The following DMD variants were observed in gnomAD, a reference collection of about 807,000 sequenced individuals.
DMD encodes the protein dystrophin.
In DMD, 63 loss-of-function variants were observed where a neutral mutation model predicts 330.1. The ratio of observed to expected loss-of-function variants is 0.19; its 90% confidence interval spans 0.16 to 0.24. The LOEUF (loss-of-function observed/expected upper bound fraction) is 0.24. Ranked by LOEUF, DMD falls within the 10% of genes least tolerant of loss-of-function variation. DMD has a pLI of 1.00. For synonymous variants in DMD, 1,223 were observed against 959.8 expected (o/e 1.27, Z -5.07); for missense variants, 3,344 against 2,684.1 (o/e 1.25, Z -5.43).
At chrX:31,441,840 G>A (rs1353801129) in intron 60 of DMD, among the ~76,000 whole-genome samples, 2 of 111,876 alleles carry the variant, frequency 1.8e-5, no homozygotes, top group African/African-American at 3.2e-5. Flanking sequence ...TCTGAACAAG[G>A]CCTCACATTT....
chrX:32,075,147 G>T (rs942440232), intron 44 of DMD, among the ~76,000 whole-genome samples: 1 of 111,790 alleles, frequency 8.9e-6, no homozygotes, highest in Non-Finnish European at 1.9e-5. Flanking sequence ...TCATTTTTCT[G>T]TCTCATTTCC....
chrX:32,793,172 C>T (rs916758168), intron 7 of DMD, among the ~76,000 whole-genome samples: 1 of 111,411 alleles, frequency 9.0e-6, no homozygotes, highest in African/African-American at 3.3e-5. Flanking sequence ...GGAAATTGAA[C>T]AACATACTCC....
At chrX:32,538,663 G>A (rs1250489198) in intron 17 of DMD, among the ~76,000 whole-genome samples, 1 of 111,278 alleles carries the variant, frequency 9.0e-6, no homozygotes, top group African/African-American at 3.3e-5. Flanking sequence ...ACACTCCAGT[G>A]AACTGATTTC....
chrX:32,763,668 C>T (rs1205840620), intron 7 of DMD, among the ~76,000 whole-genome samples: 2 of 111,778 alleles, frequency 1.8e-5, no homozygotes, highest in Admixed American at 1.9e-4. Context: ...AATGGTCTAC[C>T]AACCTTATTG....
intron 17 of DMD, among the ~76,000 whole-genome samples, chrX:32,519,170 A>G (rs1395483457): frequency 9.4e-6 from 1 of 105,916 alleles, no homozygotes; most frequent in Admixed American, 1.0e-4. Context: ...TTCATTTGCA[A>G]CAACATGTAT....
chrX:33,193,261 C>T (rs758687465), intron 1 of DMD, among the ~76,000 whole-genome samples: 12 of 111,328 alleles, frequency 1.1e-4, no homozygotes, highest in African/African-American at 3.6e-4. Flanking sequence ...GAGCCGAGAT[C>T]ACACAACTGC....
intron 7 of DMD, among the ~76,000 whole-genome samples, chrX:32,754,670 C>A (rs1241475003): frequency 2.7e-5 from 3 of 111,562 alleles, no homozygotes; most frequent in Non-Finnish European, 5.6e-5. Flanking sequence ...GAGTCAATAA[C>A]AAACTTATCG....
At chrX:32,426,265 A>T (rs2098212339) in intron 29 of DMD, among the ~76,000 whole-genome samples, 1 of 111,834 alleles carries the variant, frequency 8.9e-6, no homozygotes, top group African/African-American at 3.3e-5. Flanking sequence ...CAGAATCTCT[A>T]AGTAACTTAA....
intron 7 of DMD, among the ~76,000 whole-genome samples, chrX:32,776,765 A>G (rs1196338491): frequency 8.9e-6 from 1 of 111,895 alleles, no homozygotes; most frequent in Non-Finnish European, 1.9e-5. Context: ...AATGCAGAAT[A>G]AATTGTTTCC....
intron 26 of DMD, 31 bp from the exon 27 acceptor site, chrX:32,448,669 A>G (rs773966068): frequency 3.1e-5 from 35 of 1,137,269 alleles, no homozygotes; most frequent in Admixed American, 1.5e-4. Flanking sequence ...TCTTAATAGC[A>G]TGAAAATAAC....
At chrX:33,112,806 G>T (rs1250092883) in intron 1 of DMD, among the ~76,000 whole-genome samples, 1 of 107,867 alleles carries the variant, frequency 9.3e-6, no homozygotes, top group Admixed American at 1.0e-4. Context: ...TAAGAATATC[G>T]GCCAGGCGCG....
chrX:32,650,539 G>C (rs1037715755), intron 9 of DMD, among the ~76,000 whole-genome samples: 5 of 111,420 alleles, frequency 4.5e-5, no homozygotes, highest in African/African-American at 9.8e-5. Context: ...ATTAGTACCT[G>C]GAAATATTCT....
At chrX:31,994,128 T>C (rs1569528873) in intron 44 of DMD, among the ~76,000 whole-genome samples, 1 of 111,583 alleles carries the variant, frequency 9.0e-6, no homozygotes, top group Admixed American at 9.5e-5. Flanking sequence ...CGCCAACTGT[T>C]AGAAGCGTGG....
In DMD at chrX:32,485,118, A is replaced by G; in HGVS notation, c.2623-19T>C. On this transcript the variant is annotated intron_variant, in intron 20 of 78. Coordinates refer to ENST00000357033, the MANE Select transcript of DMD (RefSeq NM_004006.3). Reference sequence around the variant, plus strand: ...CTTCATCCTGTGCCATAGAGTATGGAAAGTAAGTAACACGTTTACTTTGCA... The same window carrying G: ...CTTCATCCTGTGCCATAGAGTATGGGAAGTAAGTAACACGTTTACTTTGCA... 1 of 1,195,656 alleles carries G rather than the reference A, an allele frequency of 8.4e-7. No homozygotes were observed. The highest frequency in any genetic ancestry group is 1.1e-6 in the Non-Finnish European group (1 of 881,007).
At chrX:32,044,093 T>A (rs2096036046) in intron 44 of DMD, among the ~76,000 whole-genome samples, 1 of 111,671 alleles carries the variant, frequency 9.0e-6, no homozygotes, top group African/African-American at 3.3e-5. Context: ...ATGTTAAGAA[T>A]CTAAACATTA....
chrX:32,480,060 C>A (rs1041487901), intron 21 of DMD, among the ~76,000 whole-genome samples: 2 of 111,181 alleles, frequency 1.8e-5, no homozygotes, highest in African/African-American at 6.5e-5. Context: ...AAAAACTCAA[C>A]AGCAAGAAAA....
chrX:31,933,351 G>C (rs1268315962), intron 45 of DMD, among the ~76,000 whole-genome samples: 1 of 111,754 alleles, frequency 8.9e-6, no homozygotes, highest in Non-Finnish European at 1.9e-5. Flanking sequence ...TTTGAGGAAA[G>C]AGAAAAACTG....
rs1313976274 is a variant in DMD at position 31,119,885 on chromosome X, A to AATTAATT, written c.*2033_*2034insAATTAAT. ...TGAAAATTATGAAGGAAAAAGAAAG[A>AATTAATT]ATTATAAAGGAAAAAGAAAATAACG... is the stretch of plus-strand genomic sequence containing the variant. On this transcript the variant is annotated 3_prime_UTR_variant, in exon 79 of 79. Transcript: ENST00000357033. 1 of 112,125 alleles carries AATTAATT rather than the reference A, an allele frequency of 8.9e-6. No individual in the cohort carries two copies. The highest frequency in any genetic ancestry group is 3.2e-5 in the African/African-American group (1 of 30,794). The allele number at this position is 112,125 out of a possible 1,213,427, so 9.2% of individuals were successfully genotyped here.
intron 54 of DMD, among the ~76,000 whole-genome samples, chrX:31,638,299 A>C (rs1410678919): frequency 1.8e-5 from 2 of 111,376 alleles, no homozygotes; most frequent in African/African-American, 6.5e-5. Flanking sequence ...GGCTTCTGTC[A>C]CCCAAAATAC....
Sources: gnomAD v4.1 joint callset for allele counts (sites outside exome capture counted in the v4.1 genomes callset) on GRCh38, gnomAD v4.1.1 for gene constraint, MANE v1.5 for transcripts, NCBI Gene and HGNC (gene_info 2026-07-23, HGNC 2026-07-21) for gene names.